Variants in ACBD3 observed in about 807,000 individuals in gnomAD.
ACBD3 encodes Golgi resident protein GCP60.
ACBD3 carries 30 observed loss-of-function variants against 66.9 expected under a neutral mutation model. The observed-to-expected ratio is 0.45, with a 90% confidence interval of 0.34 to 0.61. ACBD3 has a LOEUF of 0.61. Among genes scored for constraint, ACBD3 ranks in the 20% least tolerant of loss-of-function variants. The pLI, the probability that ACBD3 is intolerant of heterozygous loss-of-function variation, is 0.02. For missense variants in ACBD3, 544 were observed against 664.5 expected, an observed-to-expected ratio of 0.82 and a Z score of 1.99; for synonymous variants, 278 against 259.8, an observed-to-expected ratio of 1.07 and a Z score of -0.68.
At chr1:226,177,114 T>C (rs1268475520) in intron 1 of ACBD3, among the ~76,000 whole-genome samples, 1 of 151,386 alleles carries the variant, frequency 6.6e-6, no homozygotes, top group East Asian at 1.9e-4. Context: ...AAGTACTGGG[T>C]GAAACCAGTC....
Position 226,161,438 on chromosome 1 carries a change from G to C in ACBD3, c.728+93C>G, listed in dbSNP as rs974479863. On this transcript the variant is annotated intron_variant, in intron 4 of 7. Transcript: ENST00000366812. Reference sequence around the variant, plus strand: ...CTCCCAAAGTGCTGGGATTACAGGCGTGAACCACCACACCTGGCCCGCTCA... The same window carrying C: ...CTCCCAAAGTGCTGGGATTACAGGCCTGAACCACCACACCTGGCCCGCTCA... 6.2e-5 allele frequency: 97 copies of C among 1,561,866 alleles called. No homozygotes were observed. In the South Asian group the frequency reaches 1.1e-3, roughly 18 times the overall value.
intron 1 of ACBD3, among the ~76,000 whole-genome samples, chr1:226,172,155 C>CAAAA (rs779380166): frequency 2.3e-4 from 10 of 43,232 alleles, no homozygotes; most frequent in African/African-American, 5.5e-4. Flanking sequence ...AACTCCATCT[C>CAAAA]AAAAAAAAAA....
chr1:226,179,338 T>C (rs577431604), intron 1 of ACBD3, among the ~76,000 whole-genome samples: 1 of 152,164 alleles, frequency 6.6e-6, no homozygotes, highest in East Asian at 1.9e-4. Flanking sequence ...ATGAGCTCCA[T>C]TTTGTTTTTA....
rs1318777267 is a variant in ACBD3, at chr1:226,146,607, T to C, written c.*3A>G. Reference sequence around the variant, plus strand: ...CTAGACTCCAGACTTTGTAACAACATTTTTATCTAGTATAATAGACTCTGT... The same window carrying C: ...CTAGACTCCAGACTTTGTAACAACACTTTTATCTAGTATAATAGACTCTGT... On this transcript the variant is annotated 3_prime_UTR_variant, in exon 8 of 8. Coordinates refer to ENST00000366812, the MANE Select transcript of ACBD3 (RefSeq NM_022735.4). The C allele has an allele frequency of 6.2e-7, 1 of 1,612,376 alleles. No individual in the cohort carries two copies. The highest frequency in any genetic ancestry group is 8.5e-7 in the Non-Finnish European group (1 of 1,178,866).
chr1:226,186,445 C>A lies in ACBD3; in HGVS notation c.231G>T (p.Gln77His). The part of the protein sequence containing the change: ...GAAEEARRLE[Q>H]RWGFGLEELY... ...ACTCCTCCAGGCCGAAACCCCAGCGCTGCTCCAGCCGCCGCGCCTCCTCCG... is the reference window on the plus strand; with the variant it reads ...ACTCCTCCAGGCCGAAACCCCAGCGATGCTCCAGCCGCCGCGCCTCCTCCG... Residue 77 changes from glutamine to histidine, a missense_variant, in exon 1 of 8, where the codon CAG (glutamine) becomes CAT (histidine). Around this residue, in one of 3 missense-constraint regions of ACBD3, gnomAD observed 137 missense variants for 145.9 expected, o/e 0.94. Coordinates refer to ENST00000366812, the MANE Select transcript of ACBD3 (RefSeq NM_022735.4). 6.6e-7 allele frequency: 1 copy of A among 1,511,040 alleles called. No individual in the cohort carries two copies. Among genetic ancestry groups the A allele is most frequent in the Non-Finnish European group, 8.8e-7 (1 of 1,132,440 alleles). The allele number at this position is 1,511,040 out of a possible 1,614,324, so 93.6% of individuals were successfully genotyped here.
At chr1:226,166,795 G>T (rs975659889) in intron 1 of ACBD3, among the ~76,000 whole-genome samples, 2 of 152,012 alleles carry the variant, frequency 1.3e-5, no homozygotes, top group Non-Finnish European at 2.9e-5. Context: ...CCTGAATTAG[G>T]TTGTAAAAAT....
At chr1:226,154,509 C>A in intron 6 of ACBD3, 138 bp downstream of exon 6, 1 of 1,000,454 alleles carries the variant, frequency 1.0e-6, no homozygotes, top group East Asian at 2.6e-5. Context: ...TAGATTCAGA[C>A]TAAAAAGAGT....
At chr1:226,183,629 C>T (rs1312399641) in intron 1 of ACBD3, among the ~76,000 whole-genome samples, 2 of 152,172 alleles carry the variant, frequency 1.3e-5, no homozygotes, top group East Asian at 1.9e-4. Flanking sequence ...CACGGTGGCT[C>T]ACGCCTATAA....
chr1:226,186,050 G>A (rs1007638977), intron 1 of ACBD3, among the ~76,000 whole-genome samples: 1 of 152,188 alleles, frequency 6.6e-6, no homozygotes, highest in Non-Finnish European at 1.5e-5. Flanking sequence ...ATAATAAAAG[G>A]CAATCCCAGA....
At chr1:226,166,824 T>C (rs1205333670) in intron 1 of ACBD3, among the ~76,000 whole-genome samples, 8 of 152,062 alleles carry the variant, frequency 5.3e-5, no homozygotes, top group Non-Finnish European at 1.0e-4. Context: ...TATCAATACT[T>C]ATGCTAAAGC....
At chr1:226,161,141 C>T (rs964468513) in intron 4 of ACBD3, among the ~76,000 whole-genome samples, 14 of 73,156 alleles carry the variant, frequency 1.9e-4, no homozygotes, top group African/African-American at 6.6e-4. Context: ...CCTTCTAATA[C>T]ATTCCTTTTT....
At chr1:226,161,447 C>A in intron 4 of ACBD3, 84 bp downstream of exon 4, 1 of 1,579,848 alleles carries the variant, frequency 6.3e-7, no homozygotes, top group Non-Finnish European at 8.6e-7. Flanking sequence ...CGTGAACCAC[C>A]ACACCTGGCC....
chr1:226,155,417 C>CA (rs66832924), intron 5 of ACBD3, among the ~76,000 whole-genome samples: 4,415 of 107,728 alleles, frequency 0.041, 181 homozygotes, highest in East Asian at 0.21. Context: ...AACTCCATCT[C>CA]AAAAAAAAAA....
At chr1:226,177,107 T>C (rs535515513) in intron 1 of ACBD3, among the ~76,000 whole-genome samples, 24 of 151,646 alleles carry the variant, frequency 1.6e-4, no homozygotes, top group Admixed American at 1.4e-3. Flanking sequence ...CACATCAAAG[T>C]ACTGGGTGAA....
chr1:226,158,169 T>C (rs1240161684), intron 5 of ACBD3, among the ~76,000 whole-genome samples: 1 of 152,230 alleles, frequency 6.6e-6, no homozygotes, highest in African/African-American at 2.4e-5. Flanking sequence ...GAAAAGGTTG[T>C]TTAGTAAGAA....
chr1:226,160,489 C>T (rs1276075234), intron 4 of ACBD3, among the ~76,000 whole-genome samples: 1 of 152,178 alleles, frequency 6.6e-6, no homozygotes. Flanking sequence ...CAAACTCCTA[C>T]ATACAGCACA....
At chr1:226,150,856 G>A (rs1659559696) in intron 7 of ACBD3, among the ~76,000 whole-genome samples, 1 of 152,144 alleles carries the variant, frequency 6.6e-6, no homozygotes, top group African/African-American at 2.4e-5. Context: ...GTATAATGAA[G>A]GATTTTAAAT....
chr1:226,178,160 T>A lies in ACBD3; in HGVS notation c.286+8230A>T, dbSNP rs111706112. 3.3e-4 allele frequency among the ~76,000 whole-genome samples: 50 copies of A among 152,294 alleles called. 1 individual carries two copies. The highest frequency in any genetic ancestry group is 1.1e-3 in the African/African-American group (44 of 41,564). On this transcript the variant is annotated intron_variant, in intron 1 of 7. Transcript: ENST00000366812. The stretch of plus-strand genomic sequence containing the variant: ...GATAATGGGATGTACATTATGTTCT[T>A]ACTAAACTCACAAGTATTTAACTTT...
chr1:226,144,795 TTC>T lies in ACBD3; in HGVS notation c.*1813_*1814del, dbSNP rs1182564409. The T allele has an allele frequency of 8.5e-5, 13 of 152,610 alleles. No individual in the cohort carries two copies. Among genetic ancestry groups the T allele is most frequent in the African/African-American group, 3.1e-4 (13 of 41,428 alleles). The allele number at this position is 152,610 out of a possible 1,614,324, so 9.5% of individuals were successfully genotyped here. ...ATAAGAAAGTTTAAAACCAAAAATA[TTC>T]TGACATGAACACATGACAGGAACCG... On this transcript the variant is annotated 3_prime_UTR_variant, in exon 8 of 8. Coordinates refer to ENST00000366812, the MANE Select transcript of ACBD3 (RefSeq NM_022735.4).
Sources: allele counts gnomAD v4.1 joint callset (sites outside exome capture counted in the v4.1 genomes callset), GRCh38; gene constraint gnomAD v4.1.1; regional missense constraint gnomAD v4.1.1; transcripts MANE v1.5; gene names NCBI Gene and HGNC (gene_info 2026-07-23, HGNC 2026-07-21).